The following CPT1C variants were observed in gnomAD, a reference collection of about 807,000 sequenced individuals.
CPT1C encodes palmitoyl thioesterase CPT1C.
A neutral mutation model predicts 97.3 loss-of-function variants in CPT1C; 61 were observed. The observed-to-expected ratio is 0.63, with a 90% CI of 0.51 to 0.78. The LOEUF (loss-of-function observed/expected upper bound fraction) is 0.78. Ranked by LOEUF, CPT1C falls within the 30% of genes least tolerant of loss-of-function variation. The pLI is 0.00. For missense variants in CPT1C, 975 were observed against 1,065.5 expected, an observed-to-expected ratio of 0.92 and a Z score of 1.18; for synonymous variants, 469 against 447.2, an observed-to-expected ratio of 1.05 and a Z score of -0.61.
chr19:49,694,715 C>G (rs2082562499), intron 3 of CPT1C, among the ~76,000 whole-genome samples: 4 of 151,976 alleles, frequency 2.6e-5, no homozygotes, highest in Admixed American at 2.6e-4. Flanking sequence ...AACTGAACCT[C>G]TGTGGTCTTG....
intron 7 of CPT1C, among the ~76,000 whole-genome samples, chr19:49,703,874 C>T (rs1449152749): frequency 2.6e-5 from 4 of 151,920 alleles, no homozygotes; most frequent in Non-Finnish European, 5.9e-5. Context: ...CTCAAGCTAT[C>T]CTCCCACCTC....
chr19:49,692,502 A>C, intron 3 of CPT1C, 109 bp downstream of exon 3: 1 of 1,371,048 alleles, frequency 7.3e-7, no homozygotes, highest in Admixed American at 2.2e-5. Flanking sequence ...GGAGACTATC[A>C]CCCCTTTTTC....
rs200127061 is a variant in CPT1C at position 49,711,896 on chromosome 19, C to T, written c.1954C>T (p.Arg652Cys). 2.2e-5 allele frequency: 35 copies of T among 1,614,168 alleles called. No individual in the cohort carries two copies. The highest frequency in any genetic ancestry group is 9.3e-5 in the African/African-American group (7 of 75,080). ...AGCCATGAGCGGGCAGGGAGTTGACCGCCACCTGTTTGCGCTGTACATCGT... is the reference window on the plus strand; with the variant it reads ...AGCCATGAGCGGGCAGGGAGTTGACTGCCACCTGTTTGCGCTGTACATCGT... ...KAAMSGQGVD[R>C]HLFALYIVSR... Residue 652 changes from arginine (R) to cysteine (C), a missense_variant, in exon 17 of 20, where the codon CGC becomes TGC. Arg to Cys is a radical substitution (Grantham distance 180, BLOSUM62 -3). Coordinates refer to ENST00000598293, the MANE Select transcript of CPT1C (RefSeq NM_001199753.2).
chr19:49,698,084 G>C (rs1358840562), intron 4 of CPT1C: 2 of 150,024 alleles, frequency 1.3e-5, no homozygotes, highest in Admixed American at 6.7e-5. Flanking sequence ...TGTGAGCTTT[G>C]CTGGGCACAG....
At chr19:49,693,394 C>T (rs1361089151) in intron 3 of CPT1C, among the ~76,000 whole-genome samples, 1 of 152,154 alleles carries the variant, frequency 6.6e-6, no homozygotes, top group Non-Finnish European at 1.5e-5. Context: ...GCTGTGTCAT[C>T]TTGGGCAAGC....
intron 7 of CPT1C, among the ~76,000 whole-genome samples, chr19:49,701,904 A>G (rs1214317914): frequency 2.6e-5 from 3 of 116,356 alleles, no homozygotes; most frequent in Non-Finnish European, 5.1e-5. Flanking sequence ...TTATAAATAT[A>G]TATATTTATA....
chr19:49,702,388 C>T (rs2083224518), intron 7 of CPT1C, among the ~76,000 whole-genome samples: 1 of 150,950 alleles, frequency 6.6e-6, no homozygotes, highest in African/African-American at 2.4e-5. Context: ...GAGGCCAAGG[C>T]AGGCGGATCA....
intron 16 of CPT1C, 108 bp downstream of exon 16, chr19:49,710,965 G>C: frequency 2.5e-6 from 3 of 1,203,948 alleles, no homozygotes; most frequent in Non-Finnish European, 3.5e-6. Context: ...GAGCACAAGG[G>C]ACAAGGGATG....
chr19:49,713,392 C>T, intron 19 of CPT1C, 28 bp from the exon 20 acceptor site: 2 of 1,583,248 alleles, frequency 1.3e-6, no homozygotes, highest in Non-Finnish European at 1.7e-6. Flanking sequence ...TCCCAGCTTC[C>T]CCTGGCTCTG....
intron 7 of CPT1C, 103 bp from the exon 8 acceptor site, chr19:49,704,607 C>T (rs2123393303): frequency 1.2e-6 from 1 of 858,466 alleles, no homozygotes; most frequent in Non-Finnish European, 1.9e-6. Flanking sequence ...TTGGCTCTAT[C>T]CTCCCTGCCT....
rs1347006836 is a variant in CPT1C, at chr19:49,700,759, C to T, written c.357C>T (p.Ile119=). 3.7e-6 allele frequency: 6 copies of T among 1,613,180 alleles called. No homozygotes were observed. Among genetic ancestry groups the T allele is most frequent in the East Asian group, 2.2e-5 (1 of 44,870 alleles). ...CCTCGTGTTTGTGGGGAGCCCTGAT[C>T]TTCACACTGCACGTGGCCCTGAGGC... ...LFASCLWGAL[I]FTLHVALRLL... The change falls in exon 5 of 20, where the codon ATC becomes ATT. Residue 119 remains isoleucine (I), a synonymous_variant. Coordinates refer to ENST00000598293, the MANE Select transcript of CPT1C (RefSeq NM_001199753.2).
In CPT1C at chr19:49,703,666, T is replaced by G. The variant is rs1191305375; in HGVS notation, c.694-1044T>G. ...TTTTCTTTCTTGGAAGGGGTCTCAC[T>G]CTGTCACCCAGGCTGTAGTGCAGTG... is the stretch of plus-strand genomic sequence containing the variant. On this transcript the variant is annotated intron_variant, in intron 7 of 19. Coordinates refer to ENST00000598293, the MANE Select transcript of CPT1C (RefSeq NM_001199753.2). Among the ~76,000 whole-genome samples, 3 of 146,608 alleles carry G rather than the reference T, an allele frequency of 2.0e-5. No individual in the cohort carries two copies. In the Admixed American group the frequency reaches 2.1e-4, roughly 10 times the overall value.
At chr19:49,700,517 T>A (rs1418656309) in intron 4 of CPT1C, among the ~76,000 whole-genome samples, 167 bp from the exon 5 acceptor site, 1 of 151,964 alleles carries the variant, frequency 6.6e-6, no homozygotes, top group Non-Finnish European at 1.5e-5. Context: ...GCTGCCACAA[T>A]GGGAGGGGGC....
Position 49,705,237 on chromosome 19 carries a change from C to T in CPT1C, c.903C>T (p.Pro301=), listed in dbSNP as rs1230918926. 1 of 1,614,026 alleles carries T rather than the reference C, an allele frequency of 6.2e-7. No homozygotes were observed. Among genetic ancestry groups the T allele is most frequent in the African/African-American group, 1.3e-5 (1 of 75,020 alleles). The change falls in exon 10 of 20, where the codon CCC becomes CCT. Residue 301 remains proline, a synonymous_variant. Transcript: ENST00000598293. Reference sequence around the variant, plus strand: ...AGACTTTGCTGATGGGAATGCGCCCCTTATGCTCTGCCCAGTACGAGAAGA... The same window carrying T: ...AGACTTTGCTGATGGGAATGCGCCCTTTATGCTCTGCCCAGTACGAGAAGA... ...IPPTLLMGMR[P]LCSAQYEKIF...
intron 4 of CPT1C, 36 bp from the exon 5 acceptor site, chr19:49,700,648 G>T: frequency 6.3e-7 from 1 of 1,596,990 alleles, no homozygotes. Flanking sequence ...CTGAGGCCAG[G>T]AGACCCAGGC....
In CPT1C at chr19:49,697,379, C is replaced by T. The variant is rs778967274; in HGVS notation, c.195C>T (p.Leu65=). The change falls in exon 4 of 20, where the codon CTC becomes CTT. Residue 65 remains leucine (L), a synonymous_variant. Coordinates refer to ENST00000598293, the MANE Select transcript of CPT1C (RefSeq NM_001199753.2). ...CCAGCCCCCTCAGTTGGCTTTTCCT[C>T]TTCAGTGCCATCCAGCTTGCCTGGT... ...FPASPLSWLF[L]FSAIQLAWFL... The T allele has an allele frequency of 1.2e-6, 2 of 1,614,178 alleles. No individual in the cohort carries two copies. The highest frequency in any genetic ancestry group is 1.1e-5 in the South Asian group (1 of 91,088).
intron 7 of CPT1C, among the ~76,000 whole-genome samples, chr19:49,704,497 T>C (rs1192714203): frequency 6.6e-6 from 1 of 152,170 alleles, no homozygotes; most frequent in African/African-American, 2.4e-5. Context: ...ACCAGCTATG[T>C]AATATTCCAC....
chr19:49,711,997 G>A (rs1331747819), intron 17 of CPT1C, 36 bp downstream of exon 17: 1 of 1,599,868 alleles, frequency 6.3e-7, no homozygotes, highest in South Asian at 1.1e-5. Context: ...GAGGGAAGTG[G>A]GAGACCATGG....
chr19:49,711,100 T>G (rs2083848203), intron 16 of CPT1C: 1 of 340,732 alleles, frequency 2.9e-6, no homozygotes, highest in Non-Finnish European at 5.3e-6. Flanking sequence ...GGAACCCCAT[T>G]TCTTTTTTTT....
Sources: gnomAD v4.1 joint callset for allele counts (sites outside exome capture counted in the v4.1 genomes callset) on GRCh38, gnomAD v4.1.1 for gene constraint, MANE v1.5 for transcripts, NCBI Gene and HGNC (gene_info 2026-07-23, HGNC 2026-07-21) for gene names.